PRKCE: variants seen among roughly 807,000 people sequenced by gnomAD.
PRKCE encodes protein kinase C epsilon, also known as protein kinase C epsilon type.
In PRKCE, 16 loss-of-function variants were observed where a neutral mutation model predicts 85.4. That is an observed-to-expected ratio of 0.19 (90% confidence interval 0.13 to 0.28). The LOEUF (loss-of-function observed/expected upper bound fraction) is 0.28, where lower values mean the gene tolerates loss of function less well. Among genes scored for constraint, PRKCE ranks in the 10% least tolerant of loss-of-function variants. PRKCE has a pLI of 1.00. For missense variants in PRKCE, 573 were observed against 975.2 expected (o/e 0.59, Z 5.49); for synonymous variants, 388 against 371.5 (o/e 1.04, Z -0.51).
rs1574116937 is a variant in PRKCE, at chr2:45,984,558, C to A, written c.701C>A (p.Ser234Tyr). 6.3e-7 allele frequency: 1 copy of A among 1,599,596 alleles called. No homozygotes were observed. The highest frequency in any genetic ancestry group is 1.1e-5 in the South Asian group (1 of 91,064). The change falls in exon 6 of 15, where the codon TCC (serine) becomes TAC (tyrosine). Residue 234 changes from serine to tyrosine, a missense_variant. Coordinates refer to ENST00000306156, the MANE Select transcript of PRKCE (RefSeq NM_005400.3). ...KKQETPDQVG[S>Y]QRFSVNMPHK... ...ATCTTGCCATCCCTGCAGGTGGGCT[C>A]CCAGCGGTTCAGCGTCAACATGCCC...
intron 6 of PRKCE, among the ~76,000 whole-genome samples, chr2:45,993,336 A>C (rs552541878): frequency 6.6e-6 from 1 of 152,222 alleles, no homozygotes; most frequent in South Asian, 2.1e-4. Context: ...CCCCTTCCTC[A>C]CCACTTTGCC....
At chr2:46,034,160 C>T (rs934591997) in intron 10 of PRKCE, among the ~76,000 whole-genome samples, 10 of 152,190 alleles carry the variant, frequency 6.6e-5, no homozygotes, top group South Asian at 2.1e-4. Flanking sequence ...GCCAAGACTG[C>T]GGTCTGTGAG....
chr2:45,680,597 C>G (rs559266932), intron 1 of PRKCE, among the ~76,000 whole-genome samples: 1 of 152,324 alleles, frequency 6.6e-6, no homozygotes, highest in African/African-American at 2.4e-5. Flanking sequence ...GGCCAGCCGA[C>G]TTCTGCCAGT....
intron 1 of PRKCE, among the ~76,000 whole-genome samples, chr2:45,761,271 A>G (rs12474319): frequency 0.31 from 45,410 of 144,406 alleles, 8,188 homozygotes; most frequent in East Asian, 0.52. Context: ...AGCTTGCAGT[A>G]AGCCGAGATC....
At chr2:45,853,538 TC>T (rs1352305906) in intron 2 of PRKCE, among the ~76,000 whole-genome samples, 1 of 152,186 alleles carries the variant, frequency 6.6e-6, no homozygotes, top group Admixed American at 6.5e-5. Flanking sequence ...AGAACTTACC[TC>T]TATGTGATCT....
At chr2:46,118,800 T>A (rs538964845) in intron 11 of PRKCE, among the ~76,000 whole-genome samples, 2 of 152,238 alleles carry the variant, frequency 1.3e-5, no homozygotes, top group South Asian at 4.1e-4. Context: ...ATCTGGCAGT[T>A]TGGGCGTTGA....
chr2:45,849,230 C>T (rs1692045906), intron 2 of PRKCE, among the ~76,000 whole-genome samples: 2 of 152,182 alleles, frequency 1.3e-5, no homozygotes, highest in African/African-American at 4.8e-5. Flanking sequence ...CCATGACCTA[C>T]AATGGGAAGG....
At chr2:45,962,114 G>T (rs1424001269) in intron 2 of PRKCE, among the ~76,000 whole-genome samples, 3 of 152,188 alleles carry the variant, frequency 2.0e-5, no homozygotes, top group Non-Finnish European at 1.5e-5. Context: ...GCGTATGCAG[G>T]GCTTAGATTT....
chr2:46,062,322 C>T (rs1043817981), intron 10 of PRKCE, among the ~76,000 whole-genome samples: 7 of 152,166 alleles, frequency 4.6e-5, no homozygotes, highest in Non-Finnish European at 1.0e-4. Flanking sequence ...TGCATGAGGT[C>T]GTTTGTGTGT....
At chr2:45,973,410 C>G (rs1702236679) in intron 2 of PRKCE, among the ~76,000 whole-genome samples, 1 of 152,244 alleles carries the variant, frequency 6.6e-6, no homozygotes, top group East Asian at 1.9e-4. Flanking sequence ...ACAAGCCTCA[C>G]TTGAAGCATG....
chr2:45,900,697 TG>T (rs1696511017), intron 2 of PRKCE, among the ~76,000 whole-genome samples: 2 of 152,258 alleles, frequency 1.3e-5, no homozygotes, highest in South Asian at 2.1e-4. Flanking sequence ...ATGGTGGTAA[TG>T]GTTTCACAAC....
intron 2 of PRKCE, among the ~76,000 whole-genome samples, chr2:45,966,654 G>T (rs1186750681): frequency 6.6e-6 from 1 of 152,124 alleles, no homozygotes; most frequent in Non-Finnish European, 1.5e-5. Context: ...CCTCAATCTA[G>T]TCCCATTTCT....
chr2:45,733,630 A>T (rs1681780336), intron 1 of PRKCE, among the ~76,000 whole-genome samples: 2 of 152,124 alleles, frequency 1.3e-5, no homozygotes, highest in African/African-American at 4.8e-5. Context: ...CAAAGACTTG[A>T]AGGAGGTCAT....
At chr2:45,678,192 A>G (rs1038716513) in intron 1 of PRKCE, among the ~76,000 whole-genome samples, 10 of 152,178 alleles carry the variant, frequency 6.6e-5, no homozygotes, top group African/African-American at 2.4e-4. Context: ...TTTCTTTTTT[A>G]AACCTTTAAT....
intron 1 of PRKCE, among the ~76,000 whole-genome samples, chr2:45,726,256 A>T (rs376355681): frequency 1.2e-4 from 18 of 152,334 alleles, no homozygotes; most frequent in African/African-American, 4.3e-4. Flanking sequence ...TTGACAGAAA[A>T]TGCCATCAAA....
chr2:45,826,807 C>T (rs1018340412), intron 1 of PRKCE, among the ~76,000 whole-genome samples: 4 of 152,200 alleles, frequency 2.6e-5, no homozygotes, highest in African/African-American at 9.6e-5. Context: ...TCACACACTA[C>T]GTGCAATCCC....
intron 2 of PRKCE, among the ~76,000 whole-genome samples, chr2:45,883,172 C>A (rs1695006729): frequency 6.6e-6 from 1 of 152,242 alleles, no homozygotes; most frequent in Non-Finnish European, 1.5e-5. Context: ...GTGTTCACTG[C>A]ATATCGATGC....
chr2:45,672,084 A>G (rs754028348), intron 1 of PRKCE, among the ~76,000 whole-genome samples: 1 of 147,044 alleles, frequency 6.8e-6, no homozygotes, highest in Non-Finnish European at 1.5e-5. Flanking sequence ...AAAAAAAAAA[A>G]GAGGAAAGGA....
At chr2:45,653,752 C>T (rs952643805) in intron 1 of PRKCE, among the ~76,000 whole-genome samples, 23 of 152,122 alleles carry the variant, frequency 1.5e-4, no homozygotes, top group African/African-American at 4.6e-4. Context: ...ACCATGGTTA[C>T]GGTTTCACAG....
Sources: gnomAD v4.1 joint callset for allele counts (sites outside exome capture counted in the v4.1 genomes callset) on GRCh38, gnomAD v4.1.1 for gene constraint, MANE v1.5 for transcripts, NCBI Gene and HGNC (gene_info 2026-07-23, HGNC 2026-07-21) for gene names.